Variants in AK2 observed in about 807,000 individuals in gnomAD.
AK2 encodes adenylate kinase 2, mitochondrial.
In AK2, 15 loss-of-function variants were observed where a neutral mutation model predicts 24.6. The ratio of observed to expected loss-of-function variants is 0.61; its 90% confidence interval spans 0.41 to 0.94. AK2 has a LOEUF of 0.94. Among genes scored for constraint, AK2 ranks in the 40% least tolerant of loss-of-function variants. AK2 has a pLI of 0.00. For missense variants in AK2, 257 were observed against 304.1 expected (o/e 0.85, Z 1.15); for synonymous variants, 102 against 114.0 (o/e 0.90, Z 0.67).
intron 1 of AK2, among the ~76,000 whole-genome samples, chr1:33,034,771 G>A (rs1156813203): frequency 6.6e-6 from 1 of 152,176 alleles, no homozygotes; most frequent in Non-Finnish European, 1.5e-5. Flanking sequence ...AAAAATCTCA[G>A]GGCATAGTGG....
At chr1:33,032,034 T>A (rs28546883) in intron 1 of AK2, 1 of 205,202 alleles carries the variant, frequency 4.9e-6, no homozygotes, top group Non-Finnish European at 1.0e-5. Flanking sequence ...ATTATTTCAG[T>A]CATGCAACAT....
At position 33,008,038 on chromosome 1, in the gene AK2, T is replaced by C; in HGVS notation, c.*5143A>G. The C allele has an allele frequency of 4.4e-6, 2 of 454,112 alleles. No individual in the cohort carries two copies. Among genetic ancestry groups the C allele is most frequent in the Non-Finnish European group, 8.8e-6 (2 of 226,796 alleles). The allele number at this position is 454,112 out of a possible 1,614,324, so 28.1% of individuals were successfully genotyped here. A position where few individuals can be genotyped will look rare whatever the true frequency, so the allele number is the denominator to read the frequency against. ...GACTATTATTAATTATGAAAACACATAAAGAATTCTGCATATAATTTCAGA... is the reference window on the plus strand; with the variant it reads ...GACTATTATTAATTATGAAAACACACAAAGAATTCTGCATATAATTTCAGA... On this transcript the variant is annotated 3_prime_UTR_variant, in exon 6 of 6. Transcript: ENST00000672715.
intron 4 of AK2, among the ~76,000 whole-genome samples, chr1:33,015,612 C>A (rs950000579): frequency 1.3e-5 from 2 of 152,200 alleles, no homozygotes; most frequent in Admixed American, 6.5e-5. Context: ...ATATTTGGGC[C>A]GGGCCCAGCA....
intron 1 of AK2, among the ~76,000 whole-genome samples, chr1:33,033,056 G>A (rs549874131): frequency 2.0e-5 from 3 of 151,544 alleles, no homozygotes; most frequent in East Asian, 2.0e-4. Flanking sequence ...CCAGCTACTC[G>A]GGAGACTGAG....
At chr1:33,036,661 G>A in intron 1 of AK2, 75 bp downstream of exon 1, 1 of 1,393,674 alleles carries the variant, frequency 7.2e-7, no homozygotes. Flanking sequence ...GGCAGGTCCA[G>A]GGCTTCTAGA....
chr1:33,027,106 C>A (rs1639940474), intron 1 of AK2, among the ~76,000 whole-genome samples: 1 of 152,142 alleles, frequency 6.6e-6, no homozygotes, highest in African/African-American at 2.4e-5. Flanking sequence ...AGCAAGACTA[C>A]GTCTCAAACA....
At chr1:33,033,961 C>T (rs1294937567) in intron 1 of AK2, among the ~76,000 whole-genome samples, 5 of 152,148 alleles carry the variant, frequency 3.3e-5, no homozygotes, top group Non-Finnish European at 5.9e-5. Context: ...ACAAACTCTG[C>T]CTCCAAGGCT....
Position 33,013,170 on chromosome 1 carries a change from T to G in AK2, c.*11A>C. The G allele has an allele frequency of 2.5e-6, 4 of 1,614,206 alleles. No individual in the cohort carries two copies. Among genetic ancestry groups the G allele is most frequent in the Non-Finnish European group, 3.4e-6 (4 of 1,180,028 alleles). On this transcript the variant is annotated 3_prime_UTR_variant, in exon 6 of 6. Transcript: ENST00000672715. ...ACAGGGATGGAAAGAAATTCCTTCT[T>G]GGACCCAACATTAGATAAACATAAC...
At chr1:33,035,371 C>T (rs148649872) in intron 1 of AK2, among the ~76,000 whole-genome samples, 1 of 152,310 alleles carries the variant, frequency 6.6e-6, no homozygotes, top group African/African-American at 2.4e-5. Flanking sequence ...TCCACTAACC[C>T]CATCAAGGGC....
At chr1:33,022,569 C>T (rs564176477) in intron 2 of AK2, among the ~76,000 whole-genome samples, 35 of 151,898 alleles carry the variant, frequency 2.3e-4, no homozygotes, top group Non-Finnish European at 3.5e-4. Flanking sequence ...GTTGGCCAGG[C>T]TGGTCTCGAA....
intron 4 of AK2, among the ~76,000 whole-genome samples, chr1:33,021,132 T>A (rs1357095289): frequency 2.6e-5 from 4 of 151,612 alleles, no homozygotes; most frequent in Non-Finnish European, 5.9e-5. Context: ...GGCGACAGAG[T>A]TAGACTCCCA....
intron 1 of AK2, among the ~76,000 whole-genome samples, chr1:33,029,075 T>C (rs1180424686): frequency 5.3e-5 from 8 of 152,258 alleles, no homozygotes; most frequent in African/African-American, 1.7e-4. Flanking sequence ...TGCTGAACTG[T>C]TGTGGGGATT....
chr1:33,025,682 T>C (rs1225943814), intron 1 of AK2, among the ~76,000 whole-genome samples: 1 of 152,200 alleles, frequency 6.6e-6, no homozygotes, highest in African/African-American at 2.4e-5. Flanking sequence ...TTATGTAAAA[T>C]TGACTTAAGA....
Position 33,024,487 on chromosome 1 carries a change from T to C in AK2, c.174A>G (p.Ser58=), listed in dbSNP as rs1230142020. 1.9e-6 allele frequency: 3 copies of C among 1,614,224 alleles called. No individual in the cohort carries two copies. Among genetic ancestry groups the C allele is most frequent in the Non-Finnish European group, 2.5e-6 (3 of 1,180,030 alleles). Residue 58 remains serine, a synonymous_variant, in exon 2 of 6, where the codon TCA becomes TCG. Transcript: ENST00000672715. ...DMLRAMVASG[S]ELGKKLKATM... is the part of the protein sequence containing the mutation. ...TTGCCTTCAGCTTTTTTCCTAGCTC[T>C]GAGCCAGAAGCCACCATGGCCCTCA...
At chr1:33,018,475 A>G in intron 4 of AK2, among the ~76,000 whole-genome samples, 1 of 152,142 alleles carries the variant, frequency 6.6e-6, no homozygotes. Flanking sequence ...TCCATATTAA[A>G]CTGACTGGTT....
Position 33,013,015 on chromosome 1 carries a change from ACAGAT to A in AK2, c.*161_*165del. ...ACACACACACACAACACACATACAC[ACAGAT>A]GAGAGTAGCACACACGCCAAAGATA... On this transcript the variant is annotated 3_prime_UTR_variant, in exon 6 of 6. Transcript: ENST00000672715. 6.3e-7 allele frequency: 1 copy of A among 1,595,974 alleles called. No homozygotes were observed. The highest frequency in any genetic ancestry group is 1.1e-5 in the South Asian group (1 of 90,196).
rs373039705 is a variant in AK2, at chr1:33,010,813, G to A, written c.*2368C>T. 2.2e-5 allele frequency: 35 copies of A among 1,614,128 alleles called. No homozygotes were observed. Among genetic ancestry groups the A allele is most frequent in the East Asian group, 2.0e-4 (9 of 44,900 alleles). On this transcript the variant is annotated 3_prime_UTR_variant, in exon 6 of 6. Transcript: ENST00000672715. ...GGGTGATGAGCAGTGTTGCAGTCTC[G>A]CCTGGCCTTCTGATACTAGGCTGAA...
At chr1:33,033,729 G>A (rs1640393651) in intron 1 of AK2, among the ~76,000 whole-genome samples, 1 of 152,254 alleles carries the variant, frequency 6.6e-6, no homozygotes, top group African/African-American at 2.4e-5. Context: ...AAGGCCACCA[G>A]TTAATGGTTG....
chr1:33,015,723 T>C (rs1247297006), intron 4 of AK2, among the ~76,000 whole-genome samples: 2 of 152,010 alleles, frequency 1.3e-5, no homozygotes, highest in Non-Finnish European at 2.9e-5. Context: ...AAACCCCGTT[T>C]CTACTAAAAA....
Sources: allele counts gnomAD v4.1 joint callset (sites outside exome capture counted in the v4.1 genomes callset), GRCh38; gene constraint gnomAD v4.1.1; transcripts MANE v1.5; gene names NCBI Gene and HGNC (gene_info 2026-07-23, HGNC 2026-07-21).